Variants in CCDC9B observed in about 807,000 individuals in gnomAD.
CCDC9B encodes the protein coiled-coil domain containing 9B.
Under a neutral mutation model 47.2 loss-of-function variants are expected in CCDC9B, and 40 were observed. The observed-to-expected ratio is 0.85, with a 90% CI of 0.66 to 1.10. The LOEUF (loss-of-function observed/expected upper bound fraction) is 1.10. Ranked by LOEUF, CCDC9B falls within the 50% of genes least tolerant of loss-of-function variation. The pLI is 0.00. For synonymous variants in CCDC9B, 238 were observed against 250.7 expected (o/e 0.95, Z 0.48); for missense variants, 662 against 651.0 (o/e 1.02, Z -0.18).
intron 9 of CCDC9B, chr15:40,336,207 A>G (rs533036209): frequency 2.0e-6 from 2 of 985,302 alleles, no homozygotes; most frequent in African/African-American, 1.7e-5. Flanking sequence ...CCTAAATCCA[A>G]CTATTTCCTC....
intron 3 of CCDC9B, chr15:40,339,252 G>C (rs1243338413): frequency 3.4e-6 from 2 of 582,310 alleles, no homozygotes; most frequent in South Asian, 4.0e-5. Context: ...TGAGGTTTAG[G>C]AGTGGCCTGT....
In CCDC9B at chr15:40,336,649, G is replaced by C. The variant is rs1221385100; in HGVS notation, c.812C>G (p.Ala271Gly). 6.2e-7 allele frequency: 1 copy of C among 1,612,666 alleles called. No homozygotes were observed. The highest frequency in any genetic ancestry group is 8.5e-7 in the Non-Finnish European group (1 of 1,179,142). ...GGCTGGTGCCACCGAGGGTCTGCTG[G>C]CTTGCCCGCCCCGACCTGCAAGAGA... ...LPDGKGRGGQASRPSVAPATG... is the reference protein window; with the variant it reads ...LPDGKGRGGQGSRPSVAPATG... The change falls in exon 9 of 11, where the codon GCC (alanine) becomes GGC (glycine). Residue 271 changes from alanine (A) to glycine (G), a missense_variant. Coordinates refer to ENST00000397536, the MANE Select transcript of CCDC9B (RefSeq NM_207380.3).
rs545869746 is a variant in CCDC9B at position 40,335,042 on chromosome 15, G to T, written c.*116C>A. ...GCCATGCTGGAGAGTTTGCCACACT[G>T]CTCAGTGACAATGGCGCAAGCCACC... On this transcript the variant is annotated 3_prime_UTR_variant, in exon 11 of 11. Coordinates refer to ENST00000397536, the MANE Select transcript of CCDC9B (RefSeq NM_207380.3). 6.9e-5 allele frequency: 71 copies of T among 1,029,648 alleles called. 2 individuals are homozygous for T. In the South Asian group the frequency reaches 1.2e-3, roughly 17 times the overall value. The allele number at this position is 1,029,648 out of a possible 1,614,324, so 63.8% of individuals were successfully genotyped here.
intron 1 of CCDC9B, 66 bp downstream of exon 1, chr15:40,340,742 C>A: frequency 6.7e-7 from 1 of 1,500,086 alleles, no homozygotes; most frequent in Admixed American, 2.1e-5. Context: ...CAGAGGGTGG[C>A]TGCCTGGTAT....
intron 5 of CCDC9B, 96 bp downstream of exon 5, chr15:40,338,439 G>T: frequency 1.4e-6 from 2 of 1,421,264 alleles, no homozygotes; most frequent in Non-Finnish European, 1.9e-6. Flanking sequence ...CCTTGGCCAC[G>T]TCCCCGCAAA....
chr15:40,339,801 C>G, intron 2 of CCDC9B, 104 bp downstream of exon 2: 2 of 1,403,622 alleles, frequency 1.4e-6, no homozygotes, highest in Non-Finnish European at 2.0e-6. Flanking sequence ...CCCCTGGCCC[C>G]AGCCCCAGAG....
chr15:40,335,504 A>G lies in CCDC9B; in HGVS notation c.1127T>C (p.Leu376Pro). ...GCCAGCCCCTCCTAGGGAGAGGTCA[A>G]GAGGAGCCAAGTCAGGCTCCTGTGG... ...CSPQEPDLAP[L>P]DLSLGGAGIP... The change falls in exon 11 of 11, where the codon CTT becomes CCT. Residue 376 changes from leucine (L) to proline (P), a missense_variant. Coordinates refer to ENST00000397536, the MANE Select transcript of CCDC9B (RefSeq NM_207380.3). The G allele has an allele frequency of 1.9e-6, 3 of 1,567,486 alleles. No homozygotes were observed. The highest frequency in any genetic ancestry group is 2.6e-6 in the Non-Finnish European group (3 of 1,154,258).
intron 1 of CCDC9B, chr15:40,340,456 G>A (rs561882237): frequency 1.6e-4 from 57 of 364,910 alleles, no homozygotes; most frequent in Non-Finnish European, 2.2e-4. Flanking sequence ...CCCTGGCTCC[G>A]TCCTGGGCTC....
At position 40,335,110 on chromosome 15, in the gene CCDC9B, A is replaced by T; in HGVS notation, c.*48T>A. On this transcript the variant is annotated 3_prime_UTR_variant, in exon 11 of 11. Transcript: ENST00000397536. Reference sequence around the variant, plus strand: ...CACGCGGAGGGCCTTTAACAGAGTGATTCCCTTTTCCTCTCCCCGGGGACT... The same window carrying T: ...CACGCGGAGGGCCTTTAACAGAGTGTTTCCCTTTTCCTCTCCCCGGGGACT... The T allele has an allele frequency of 4.3e-6, 6 of 1,393,962 alleles. No individual in the cohort carries two copies. The highest frequency in any genetic ancestry group is 5.8e-6 in the Non-Finnish European group (6 of 1,042,048). The allele number at this position is 1,393,962 out of a possible 1,614,324, so 86.3% of individuals were successfully genotyped here.
chr15:40,339,514 C>T lies in CCDC9B; in HGVS notation c.229G>A (p.Gly77Ser), dbSNP rs370384372. 65 of 1,613,494 alleles carry T rather than the reference C, an allele frequency of 4.0e-5. No homozygotes were observed. The highest frequency in any genetic ancestry group is 4.3e-5 in the Non-Finnish European group (51 of 1,179,804). ...CTGTCTCCCAGGGTGAGGCTTACAC[C>T]GGGAACCTGGCTGATGGTAACGGTG... The part of the protein sequence containing the change: ...GLTVTISQVP[G>S]EKRVVSRNWA... Residue 77 changes from glycine to serine, a missense_variant and splice_region_variant, in exon 3 of 11, where the codon GGT (glycine) becomes AGT (serine). Gly to Ser is a moderately conservative substitution (Grantham distance 56, BLOSUM62 0). Transcript: ENST00000397536.
chr15:40,335,536 G>A lies in CCDC9B; in HGVS notation c.1095C>T (p.Pro365=), dbSNP rs757329828. Reference sequence around the variant, plus strand: ...CCAAGTCAGGCTCCTGTGGAGAGCAGGGGACTGAGCTGGCTGTGGAAGCCA... The same window carrying A: ...CCAAGTCAGGCTCCTGTGGAGAGCAAGGGACTGAGCTGGCTGTGGAAGCCA... ...ESVASTASSV[P]CSPQEPDLAP... Residue 365 remains proline (P), a synonymous_variant, in exon 11 of 11, where the codon CCC becomes CCT. Coordinates refer to ENST00000397536, the MANE Select transcript of CCDC9B (RefSeq NM_207380.3). 3.3e-6 allele frequency: 5 copies of A among 1,529,944 alleles called. No homozygotes were observed. In the South Asian group the frequency reaches 6.4e-5, roughly 19 times the overall value. 94.8% of individuals were successfully genotyped at this position (1,529,944 alleles called of 1,614,324 possible). A position where few individuals can be genotyped will look rare whatever the true frequency, so the allele number is the denominator to read the frequency against.
chr15:40,337,231 G>T, intron 7 of CCDC9B, 157 bp downstream of exon 7: 1 of 770,638 alleles, frequency 1.3e-6, no homozygotes, highest in Non-Finnish European at 2.3e-6. Flanking sequence ...AGGTCTTGGT[G>T]CCCTCCTCTG....
At chr15:40,337,491 C>T (rs1051830547) in intron 6 of CCDC9B, 45 bp from the exon 7 acceptor site, 17 of 1,491,752 alleles carry the variant, frequency 1.1e-5, no homozygotes, top group Admixed American at 4.4e-5. Context: ...CAGAAGCTGC[C>T]GCGGGCCCCA....
chr15:40,337,038 A>G (rs1461657972), intron 7 of CCDC9B: 3 of 599,186 alleles, frequency 5.0e-6, no homozygotes, highest in African/African-American at 3.7e-5. Flanking sequence ...GCTTCTTTAT[A>G]TATAAAACAA....
At chr15:40,336,526 T>G in intron 9 of CCDC9B, 48 bp downstream of exon 9, 1 of 1,596,566 alleles carries the variant, frequency 6.3e-7, no homozygotes, top group Non-Finnish European at 8.6e-7. Context: ...TCCAGGAAAT[T>G]GGGACACCCA....
chr15:40,338,859 T>C lies in CCDC9B; in HGVS notation c.276A>G (p.Gly92=), dbSNP rs567337667. 6.2e-6 allele frequency: 10 copies of C among 1,614,170 alleles called. No homozygotes were observed. The South Asian group carries it at 1.1e-4, about 18-fold the overall frequency. The change falls in exon 4 of 11, where the codon GGA becomes GGG. Residue 92 remains glycine, a synonymous_variant. Transcript: ENST00000397536. ...VSRNWARGTC[G]PRVTNEMLED... Reference sequence around the variant, plus strand: ...CAAGCATCTCGTTGGTCACTCTGGGTCCACAGGTACCCCTTGCCCAGTTCC... The same window carrying C: ...CAAGCATCTCGTTGGTCACTCTGGGCCCACAGGTACCCCTTGCCCAGTTCC...
intron 5 of CCDC9B, 64 bp from the exon 6 acceptor site, chr15:40,337,957 A>G: frequency 1.3e-6 from 2 of 1,487,544 alleles, no homozygotes; most frequent in Non-Finnish European, 9.2e-7. Context: ...TGGGGTTTGG[A>G]GACTCCAGGC....
At position 40,332,571 on chromosome 15, in the gene CCDC9B, C is replaced by CTG. The variant is rs1432358482; in HGVS notation, c.*2586_*2587insCA. 1 of 152,274 alleles carries CTG rather than the reference C, an allele frequency of 6.6e-6. No individual in the cohort carries two copies. The highest frequency in any genetic ancestry group is 1.5e-5 in the Non-Finnish European group (1 of 68,112). 9.4% of individuals were successfully genotyped at this position (152,274 alleles called of 1,614,324 possible). A position where few individuals can be genotyped will look rare whatever the true frequency, so the allele number is the denominator to read the frequency against. ...CTTCAGTCCCATTGTGAGGGCTGAA[C>CTG]CCGAGCTCTGCCTGCTTCCTACATC... On this transcript the variant is annotated 3_prime_UTR_variant, in exon 11 of 11. Transcript: ENST00000397536.
intron 1 of CCDC9B, 122 bp downstream of exon 1, chr15:40,340,686 A>T: frequency 1.2e-6 from 1 of 852,718 alleles, no homozygotes; most frequent in Non-Finnish European, 1.8e-6. Context: ...TTGTGACCCT[A>T]GTCACAGCCT....
Sources: allele counts gnomAD v4.1 joint callset, GRCh38; gene constraint gnomAD v4.1.1; transcripts MANE v1.5; gene names NCBI Gene and HGNC (gene_info 2026-07-23, HGNC 2026-07-21).